Variants in PGM5 observed in about 807,000 individuals in gnomAD.
The protein encoded by PGM5 is phosphoglucomutase 5.
PGM5 carries 23 observed loss-of-function variants against 59.2 expected under a neutral mutation model. The observed-to-expected ratio is 0.39, with a 90% CI of 0.28 to 0.55. The LOEUF is 0.55. PGM5 is among the 20% of genes least tolerant of loss of function. The pLI, the probability that PGM5 is intolerant of heterozygous loss-of-function variation, is 0.66. For missense variants in PGM5, 574 were observed against 748.3 expected (o/e 0.77, Z 2.72); for synonymous variants, 214 against 286.0 (o/e 0.75, Z 2.54).
intron 1 of PGM5, among the ~76,000 whole-genome samples, chr9:68,373,364 ATCT>A (rs1178818184): frequency 2.0e-5 from 3 of 152,040 alleles, no homozygotes; most frequent in Non-Finnish European, 4.4e-5. Flanking sequence ...CTAGAATTTA[ATCT>A]TCTGGTAATT....
chr9:68,409,626 CA>C (rs200067296), intron 6 of PGM5, among the ~76,000 whole-genome samples: 125,228 of 138,932 alleles, frequency 0.9, 56,984 homozygotes, highest in Non-Finnish European at 0.97. Flanking sequence ...ATCGCAAGAA[CA>C]AAAAACCAAA....
At chr9:68,406,634 G>A (rs1429013502) in intron 6 of PGM5, 14 of 124,466 alleles carry the variant, frequency 1.1e-4, no homozygotes, top group Middle Eastern at 4.9e-3. Context: ...CCATAGCACA[G>A]GGTCTTGTAC....
At chr9:68,408,213 T>C (rs1365573606) in intron 6 of PGM5, among the ~76,000 whole-genome samples, 8 of 151,938 alleles carry the variant, frequency 5.3e-5, no homozygotes, top group African/African-American at 1.7e-4. Flanking sequence ...ATAAGGTCGT[T>C]TGGATTTAAA....
At chr9:68,376,287 A>G (rs530085135) in intron 1 of PGM5, among the ~76,000 whole-genome samples, 1 of 152,272 alleles carries the variant, frequency 6.6e-6, no homozygotes, top group East Asian at 1.9e-4. Flanking sequence ...TTATTATATT[A>G]TTATTAAAAT....
chr9:68,517,791 C>T (rs1359132463), intron 10 of PGM5, among the ~76,000 whole-genome samples: 1 of 152,210 alleles, frequency 6.6e-6, no homozygotes, highest in East Asian at 1.9e-4. Context: ...TCAAACTAAC[C>T]TTCCCTCTGT....
chr9:68,391,849 C>T (rs1186028502), intron 5 of PGM5, 125 bp downstream of exon 5: 2 of 881,736 alleles, frequency 2.3e-6, no homozygotes, highest in South Asian at 1.8e-5. Context: ...CTAACTGGCT[C>T]TGCATCTGCC....
chr9:68,520,466 A>C (rs1824885502), intron 10 of PGM5, among the ~76,000 whole-genome samples: 1 of 152,230 alleles, frequency 6.6e-6, no homozygotes, highest in Admixed American at 6.5e-5. Context: ...TAGAATATTT[A>C]AACAACTTAG....
chr9:68,370,306 A>G (rs1165236849), intron 1 of PGM5, among the ~76,000 whole-genome samples: 2 of 151,498 alleles, frequency 1.3e-5, no homozygotes, highest in Non-Finnish European at 2.9e-5. Flanking sequence ...ATTTAAAGCT[A>G]AAAGAGAATC....
intron 2 of PGM5, among the ~76,000 whole-genome samples, chr9:68,380,504 C>A (rs1468879139): frequency 6.6e-6 from 1 of 151,686 alleles, no homozygotes; most frequent in African/African-American, 2.4e-5. Flanking sequence ...GGAAAAAGAT[C>A]TAAATAAGTA....
rs568421567 is a variant in PGM5 at position 68,398,476 on chromosome 9, C to G, written c.1043+6003C>G. On this transcript the variant is annotated intron_variant, in intron 6 of 10. Transcript: ENST00000396396. Reference sequence around the variant, plus strand: ...CAGCAATAGCAGGAAGCTGTTAACACCCCTAGGACTAAGAAGGGTCCAGGG... The same window carrying G: ...CAGCAATAGCAGGAAGCTGTTAACAGCCCTAGGACTAAGAAGGGTCCAGGG... 3.2e-4 allele frequency: 49 copies of G among 152,334 alleles called. 1 individual carries two copies. The highest frequency in any genetic ancestry group is 1.1e-3 in the African/African-American group (46 of 41,566). 9.4% of individuals were successfully genotyped at this position (152,334 alleles called of 1,614,324 possible). A position where few individuals can be genotyped will look rare whatever the true frequency, so the allele number is the denominator to read the frequency against.
chr9:68,485,618 T>C (rs1400606481), intron 9 of PGM5, among the ~76,000 whole-genome samples: 1 of 152,200 alleles, frequency 6.6e-6, no homozygotes, highest in Non-Finnish European at 1.5e-5. Flanking sequence ...TCTTTGGTAA[T>C]TCTTCATAGC....
chr9:68,379,081 A>G (rs1256284779), intron 2 of PGM5, among the ~76,000 whole-genome samples: 1 of 152,216 alleles, frequency 6.6e-6, no homozygotes, highest in Non-Finnish European at 1.5e-5. Context: ...AAAGAAAGAC[A>G]CATTGCTGCA....
chr9:68,500,167 T>C (rs1554688521), intron 10 of PGM5, among the ~76,000 whole-genome samples: 2 of 152,136 alleles, frequency 1.3e-5, no homozygotes, highest in African/African-American at 4.8e-5. Context: ...TGTGGAAAAG[T>C]AGAGAAACAG....
intron 7 of PGM5, among the ~76,000 whole-genome samples, chr9:68,470,986 G>A (rs953552394): frequency 2.1e-4 from 32 of 152,280 alleles, no homozygotes; most frequent in Middle Eastern, 3.4e-3. Flanking sequence ...CCCCTGTGCC[G>A]GGAAACAGAA....
chr9:68,414,445 T>G (rs1822987005), intron 6 of PGM5, among the ~76,000 whole-genome samples: 1 of 152,144 alleles, frequency 6.6e-6, no homozygotes, highest in African/African-American at 2.4e-5. Context: ...CTTTGTCATT[T>G]CATCTTCCTG....
chr9:68,427,215 T>C (rs931720077), intron 6 of PGM5, among the ~76,000 whole-genome samples: 2 of 152,060 alleles, frequency 1.3e-5, no homozygotes, highest in African/African-American at 2.4e-5. Flanking sequence ...AAGAGTGGAG[T>C]TGACCTTGGC....
intron 1 of PGM5, among the ~76,000 whole-genome samples, chr9:68,375,360 A>G (rs1554677502): frequency 6.6e-6 from 1 of 152,352 alleles, no homozygotes; most frequent in Non-Finnish European, 1.5e-5. Context: ...CCTCTCTTCA[A>G]TATTCCAGTC....
intron 7 of PGM5, among the ~76,000 whole-genome samples, chr9:68,476,553 A>G (rs539861561): frequency 5.3e-5 from 8 of 152,314 alleles, no homozygotes; most frequent in Non-Finnish European, 1.0e-4. Context: ...AAGCCTTTTT[A>G]AAAGGAGAGT....
intron 6 of PGM5, among the ~76,000 whole-genome samples, chr9:68,419,395 G>T (rs148797736): frequency 6.6e-6 from 1 of 152,102 alleles, no homozygotes; most frequent in Non-Finnish European, 1.5e-5. Context: ...CCTTATCTTT[G>T]CTTCTCCCCC....
Sources: allele counts gnomAD v4.1 joint callset (sites outside exome capture counted in the v4.1 genomes callset), GRCh38; gene constraint gnomAD v4.1.1; transcripts MANE v1.5; gene names NCBI Gene and HGNC (gene_info 2026-07-23, HGNC 2026-07-21).